The following ANKS1B variants were observed in gnomAD, a reference collection of about 807,000 sequenced individuals.
ANKS1B encodes ankyrin repeat and sterile alpha motif domain containing 1B, also known as ankyrin repeat and sterile alpha motif domain-containing protein 1B.
Under a neutral mutation model 148.3 loss-of-function variants are expected in ANKS1B, and 36 were observed. That is an observed-to-expected ratio of 0.24 (90% CI 0.19 to 0.32). The LOEUF is 0.32. ANKS1B is among the 10% of genes least tolerant of loss of function. The pLI, the probability that ANKS1B is intolerant of heterozygous loss-of-function variation, is 1.00. For synonymous variants in ANKS1B, 542 were observed against 560.8 expected, an observed-to-expected ratio of 0.97 and a Z score of 0.47; for missense variants, 1,157 against 1,542.6, an observed-to-expected ratio of 0.75 and a Z score of 4.19.
intron 12 of ANKS1B, among the ~76,000 whole-genome samples, chr12:99,295,811 G>A (rs536506175): frequency 5.3e-5 from 8 of 152,144 alleles, no homozygotes; most frequent in Middle Eastern, 3.4e-3. Context: ...TCTATGAGTC[G>A]TGTATTCTCA....
At chr12:99,894,310 AGGGAGGGAGGGAGGG>A (rs1168153065) in intron 1 of ANKS1B, among the ~76,000 whole-genome samples, 15 of 33,698 alleles carry the variant, frequency 4.5e-4, no homozygotes, top group Non-Finnish European at 8.4e-4. Context: ...GGAGGGAGGG[AGGGAGGGAGGGAGGG>A]AGGGAAAGAA....
chr12:99,367,660 C>T (rs1286572100), intron 12 of ANKS1B, among the ~76,000 whole-genome samples: 1 of 152,022 alleles, frequency 6.6e-6, no homozygotes, highest in Non-Finnish European at 1.5e-5. Flanking sequence ...TGACATACTA[C>T]CCAATGAAAT....
intron 9 of ANKS1B, among the ~76,000 whole-genome samples, chr12:99,568,476 G>A (rs1379740666): frequency 6.6e-6 from 1 of 152,076 alleles, no homozygotes; most frequent in Non-Finnish European, 1.5e-5. Context: ...TTAAGATGTG[G>A]GCATCTTTCA....
intron 9 of ANKS1B, among the ~76,000 whole-genome samples, chr12:99,632,428 G>A (rs1461237701): frequency 6.6e-6 from 1 of 151,846 alleles, no homozygotes; most frequent in Admixed American, 6.6e-5. Flanking sequence ...CACTGCATAG[G>A]GCAGTACCTA....
At chr12:99,519,932 A>C (rs771461545) in intron 9 of ANKS1B, among the ~76,000 whole-genome samples, 1 of 152,088 alleles carries the variant, frequency 6.6e-6, no homozygotes, top group Non-Finnish European at 1.5e-5. Context: ...CAAACATGCA[A>C]AAAGTAAACT....
At chr12:98,779,849 T>C (rs906268033) in intron 24 of ANKS1B, among the ~76,000 whole-genome samples, 5 of 152,212 alleles carry the variant, frequency 3.3e-5, no homozygotes, top group African/African-American at 9.6e-5. Context: ...TCAACAATAT[T>C]TTGCACAGTT....
chr12:99,644,905 A>T (rs1318398894), intron 9 of ANKS1B, among the ~76,000 whole-genome samples: 1 of 151,858 alleles, frequency 6.6e-6, no homozygotes, highest in East Asian at 1.9e-4. Context: ...CACCACTCTG[A>T]CCTCTACTTC....
intron 15 of ANKS1B, among the ~76,000 whole-genome samples, chr12:99,088,164 C>T (rs2052612014): frequency 6.6e-6 from 1 of 152,056 alleles, no homozygotes. Context: ...TTTACTGTCC[C>T]CAGTGAGGCA....
chr12:99,175,574 T>C (rs2078282794), intron 14 of ANKS1B, among the ~76,000 whole-genome samples: 1 of 152,244 alleles, frequency 6.6e-6, no homozygotes, highest in Admixed American at 6.5e-5. Context: ...TCATAATTCC[T>C]GATTCTGAAA....
At chr12:99,669,554 C>T (rs1430533523) in intron 8 of ANKS1B, among the ~76,000 whole-genome samples, 1 of 152,082 alleles carries the variant, frequency 6.6e-6, no homozygotes, top group Non-Finnish European at 1.5e-5. Context: ...AGCATGATCC[C>T]TCTACTTGGG....
chr12:98,896,747 T>C (rs991524031), intron 17 of ANKS1B, among the ~76,000 whole-genome samples: 19 of 152,246 alleles, frequency 1.2e-4, no homozygotes, highest in African/African-American at 4.6e-4. Context: ...TTGACTATCT[T>C]TGTTTATGAC....
rs187623256 is a variant in ANKS1B at position 98,998,798 on chromosome 12, T to G, written c.2778+54359A>C. Among the ~76,000 whole-genome samples the G allele has an allele frequency of 3.0e-3, 452 of 152,296 alleles. 2 individuals carry two copies. Among genetic ancestry groups the G allele is most frequent in the Non-Finnish European group, 5.0e-3 (337 of 68,024 alleles). On this transcript the variant is annotated intron_variant, in intron 17 of 26. Coordinates refer to ENST00000683438, the MANE Select transcript of ANKS1B (RefSeq NM_001352186.2). Reference sequence around the variant, plus strand: ...TGTTAAATAACAAAAATCATGTTCGTTTTTATATTTTGCTTTGCCTTTGGG... The same window carrying G: ...TGTTAAATAACAAAAATCATGTTCGGTTTTATATTTTGCTTTGCCTTTGGG...
chr12:98,910,030 A>C (rs551386859), intron 17 of ANKS1B, among the ~76,000 whole-genome samples: 1 of 152,250 alleles, frequency 6.6e-6, no homozygotes, highest in African/African-American at 2.4e-5. Context: ...TGTGGGCCAC[A>C]GTTAGCTGGG....
At chr12:99,144,056 A>AG (rs1370061986) in intron 15 of ANKS1B, among the ~76,000 whole-genome samples, 7 of 152,104 alleles carry the variant, frequency 4.6e-5, no homozygotes, top group Admixed American at 4.6e-4. Context: ...AACATTTGTG[A>AG]GGGGGTAAAG....
At chr12:98,774,056 A>G (rs1402749982) in intron 24 of ANKS1B, among the ~76,000 whole-genome samples, 1 of 152,238 alleles carries the variant, frequency 6.6e-6, no homozygotes, top group East Asian at 1.9e-4. Context: ...GGGCCTGATA[A>G]GAGAAACACC....
At chr12:98,910,747 C>T (rs2099785624) in intron 17 of ANKS1B, among the ~76,000 whole-genome samples, 1 of 152,144 alleles carries the variant, frequency 6.6e-6, no homozygotes, top group Non-Finnish European at 1.5e-5. Context: ...AAGCCAACAC[C>T]ATCCAAATGT....
chr12:99,910,232 G>C (rs1044039465), intron 1 of ANKS1B, among the ~76,000 whole-genome samples: 1 of 151,562 alleles, frequency 6.6e-6, no homozygotes, highest in Admixed American at 6.6e-5. Flanking sequence ...CCCCGTGCCT[G>C]TAATCCCAGC....
intron 1 of ANKS1B, among the ~76,000 whole-genome samples, chr12:99,846,212 T>C (rs948961455): frequency 5.3e-5 from 8 of 152,120 alleles, no homozygotes; most frequent in Admixed American, 1.3e-4. Flanking sequence ...TTCACTAACA[T>C]TTGTTATTAT....
chr12:99,075,939 A>G (rs1409924723), intron 16 of ANKS1B, among the ~76,000 whole-genome samples: 2 of 150,464 alleles, frequency 1.3e-5, no homozygotes, highest in East Asian at 3.9e-4. Flanking sequence ...ATGTTATACA[A>G]TATAGCATGT....
Sources: gnomAD v4.1 joint callset for allele counts (sites outside exome capture counted in the v4.1 genomes callset) on GRCh38, gnomAD v4.1.1 for gene constraint, MANE v1.5 for transcripts, NCBI Gene and HGNC (gene_info 2026-07-23, HGNC 2026-07-21) for gene names.